FAM184A: variants seen among roughly 807,000 people sequenced by gnomAD.
The protein encoded by FAM184A is family with sequence similarity 184 member A, also known as protein FAM184A.
FAM184A carries 99 observed loss-of-function variants against 143.8 expected under a neutral mutation model. The ratio of observed to expected loss-of-function variants is 0.69; its 90% CI spans 0.58 to 0.81. The LOEUF (loss-of-function observed/expected upper bound fraction) is 0.81, where lower values mean the gene tolerates loss of function less well. FAM184A is among the 40% of genes least tolerant of loss of function. The pLI is 0.00. For missense variants in FAM184A, 1,217 were observed against 1,310.5 expected (o/e 0.93, Z 1.10); for synonymous variants, 427 against 446.4 (o/e 0.96, Z 0.55).
At chr6:118,987,387 T>C (rs1433082534) in intron 9 of FAM184A, among the ~76,000 whole-genome samples, 4 of 152,334 alleles carry the variant, frequency 2.6e-5, no homozygotes, top group Admixed American at 2.0e-4. Flanking sequence ...TTCTGTGTCA[T>C]CTAATTTTAA....
At chr6:119,074,603 C>CA (rs148111036) in intron 1 of FAM184A, among the ~76,000 whole-genome samples, 6,687 of 150,202 alleles carry the variant, frequency 0.045, 256 homozygotes, top group East Asian at 0.2. Flanking sequence ...TTGAAAGTGA[C>CA]AAAAAAAAAG....
intron 14 of FAM184A, among the ~76,000 whole-genome samples, chr6:118,967,777 T>G (rs1056497974): frequency 6.6e-6 from 1 of 152,158 alleles, no homozygotes; most frequent in Non-Finnish European, 1.5e-5. Flanking sequence ...AAAAATCTTG[T>G]TTTCAGGATA....
intron 1 of FAM184A, among the ~76,000 whole-genome samples, chr6:119,099,025 G>A (rs1027454012): frequency 9.2e-5 from 14 of 152,282 alleles, no homozygotes; most frequent in African/African-American, 3.4e-4. Context: ...CAGGAGAATC[G>A]CTTGAACCTG....
chr6:118,979,104 C>A (rs1418748320), intron 11 of FAM184A, among the ~76,000 whole-genome samples: 1 of 152,142 alleles, frequency 6.6e-6, no homozygotes, highest in Non-Finnish European at 1.5e-5. Flanking sequence ...GTCCTGAGTC[C>A]ACTTAGTCCA....
At chr6:118,998,317 C>T (rs879683939) in intron 9 of FAM184A, among the ~76,000 whole-genome samples, 3 of 152,192 alleles carry the variant, frequency 2.0e-5, no homozygotes, top group Non-Finnish European at 2.9e-5. Context: ...TTTCATGTAT[C>T]TGAAAACGTC....
At chr6:118,982,474 C>CTTTT (rs1411833207) in intron 9 of FAM184A, among the ~76,000 whole-genome samples, 1 of 152,226 alleles carries the variant, frequency 6.6e-6, no homozygotes. Flanking sequence ...TATTACTTGG[C>CTTTT]ACCTGACCAA....
intron 1 of FAM184A, among the ~76,000 whole-genome samples, chr6:119,076,147 T>C (rs1276703917): frequency 1.3e-5 from 2 of 152,186 alleles, no homozygotes; most frequent in African/African-American, 2.4e-5. Context: ...TAGTACCCAC[T>C]GAGTAGTGCC....
At chr6:119,113,026 G>A (rs1187131663) in intron 1 of FAM184A, among the ~76,000 whole-genome samples, 1 of 151,526 alleles carries the variant, frequency 6.6e-6, no homozygotes, top group Admixed American at 6.8e-5. Context: ...GCAGAGGGGA[G>A]TGTAGTTGGC....
chr6:119,078,774 C>T (rs1262654475), upstream of FAM184A: 1 of 152,748 alleles, frequency 6.5e-6, no homozygotes, highest in East Asian at 1.9e-4. This position sits in a 1 kb window ranked among gnomAD's most constrained non-coding sequence, Gnocchi z 5.5. Context: ...GACGTCATTT[C>T]CCCGCAGCCA....
At chr6:119,049,023 G>A (rs1051215676) in intron 1 of FAM184A, among the ~76,000 whole-genome samples, 1 of 152,118 alleles carries the variant, frequency 6.6e-6, no homozygotes, top group African/African-American at 2.4e-5. Context: ...AAATTCATAT[G>A]GAACCAAAAA....
In FAM184A at chr6:118,966,887, G is replaced by T. The variant is rs946833479; in HGVS notation, c.2981C>A (p.Thr994Lys). 2.5e-6 allele frequency: 4 copies of T among 1,588,870 alleles called. No homozygotes were observed. The highest frequency in any genetic ancestry group is 3.4e-6 in the Non-Finnish European group (4 of 1,160,446). ...TTCTGTAAGCATGGCTTTTAATTCTGTAATCATCTGTATATCTTCTGGTTT... is the reference window on the plus strand; with the variant it reads ...TTCTGTAAGCATGGCTTTTAATTCTTTAATCATCTGTATATCTTCTGGTTT... ...ESKPEDIQMI[T>K]ELKAMLTERD... is the part of the protein sequence containing the mutation. The change falls in exon 15 of 18, where the codon ACA (threonine) becomes AAA (lysine). Residue 994 changes from threonine (T) to lysine (K), a missense_variant. Coordinates refer to ENST00000338891, the MANE Select transcript of FAM184A (RefSeq NM_024581.6).
At chr6:119,060,374 G>A (rs1787183572) in intron 1 of FAM184A, among the ~76,000 whole-genome samples, 1 of 152,100 alleles carries the variant, frequency 6.6e-6, no homozygotes, top group Non-Finnish European at 1.5e-5. Flanking sequence ...GAAAAACATG[G>A]GCAAGGCAGC....
chr6:119,105,908 T>C (rs895955144), intron 1 of FAM184A, among the ~76,000 whole-genome samples: 1 of 152,110 alleles, frequency 6.6e-6, no homozygotes, highest in Non-Finnish European at 1.5e-5. Context: ...TTAATTTTAA[T>C]TAATTAAGTA....
At chr6:119,079,377 G>A (rs1222781259), upstream of FAM184A, among the ~76,000 whole-genome samples, 3 of 152,242 alleles carry the variant, frequency 2.0e-5, no homozygotes, top group East Asian at 3.9e-4. Flanking sequence ...GAATAGGATC[G>A]GAGTGAAAGT....
At chr6:119,105,342 G>C (rs1788751377) in intron 1 of FAM184A, among the ~76,000 whole-genome samples, 1 of 152,058 alleles carries the variant, frequency 6.6e-6, no homozygotes, top group African/African-American at 2.4e-5. Context: ...TTGAAACATG[G>C]GGGTGGATTT....
At position 119,078,440 on chromosome 6, in the gene FAM184A, C is replaced by A; in HGVS notation, c.-141G>T. On this transcript the variant is annotated 5_prime_UTR_variant, in exon 1 of 18. Coordinates refer to ENST00000338891, the MANE Select transcript of FAM184A (RefSeq NM_024581.6). This position sits in a 1 kb window ranked among gnomAD's most constrained non-coding sequence, Gnocchi z 5.5. ...GCCCCCCAGACTCGGCCGCAGGCGCCGTCCCACCCGCGACCCCCGGGTCAC... is the reference window on the plus strand; with the variant it reads ...GCCCCCCAGACTCGGCCGCAGGCGCAGTCCCACCCGCGACCCCCGGGTCAC... 2 of 846,828 alleles carry A rather than the reference C, an allele frequency of 2.4e-6. No homozygotes were observed. The highest frequency in any genetic ancestry group is 3.3e-6 in the Non-Finnish European group (2 of 602,782). The allele number at this position is 846,828 out of a possible 1,614,324, so 52.5% of individuals were successfully genotyped here. A position where few individuals can be genotyped will look rare whatever the true frequency, so the allele number is the denominator to read the frequency against.
At chr6:119,099,791 A>G (rs1788595689) in intron 1 of FAM184A, among the ~76,000 whole-genome samples, 1 of 151,796 alleles carries the variant, frequency 6.6e-6, no homozygotes, top group South Asian at 2.1e-4. Flanking sequence ...GAAACTCCAC[A>G]CCCCTTCCCA....
At chr6:119,035,215 G>A (rs1786064044) in intron 1 of FAM184A, among the ~76,000 whole-genome samples, 1 of 152,152 alleles carries the variant, frequency 6.6e-6, no homozygotes, top group Admixed American at 6.5e-5. Flanking sequence ...CCAAAGAACT[G>A]AATGGACTCC....
intron 1 of FAM184A, among the ~76,000 whole-genome samples, chr6:119,140,950 A>G (rs1451356221): frequency 1.3e-5 from 2 of 152,240 alleles, no homozygotes; most frequent in African/African-American, 4.8e-5. Flanking sequence ...TATTAGTAGC[A>G]TTAAGCAGGC....
Sources: allele counts gnomAD v4.1 joint callset (sites outside exome capture counted in the v4.1 genomes callset), GRCh38; gene constraint gnomAD v4.1.1; non-coding constraint Gnocchi (gnomAD v3.1); transcripts MANE v1.5; gene names NCBI Gene and HGNC (gene_info 2026-07-23, HGNC 2026-07-21).